HNF4A: variants seen among roughly 807,000 people sequenced by gnomAD.
HNF4A encodes hepatocyte nuclear factor 4 alpha.
Under a neutral mutation model 52.4 loss-of-function variants are expected in HNF4A, and 15 were observed. That is an observed-to-expected ratio of 0.29 (90% CI 0.19 to 0.44). The LOEUF (loss-of-function observed/expected upper bound fraction) is 0.44. HNF4A is among the 20% of genes least tolerant of loss of function. HNF4A has a pLI of 1.00. For synonymous variants in HNF4A, 280 were observed against 264.4 expected, an observed-to-expected ratio of 1.06 and a Z score of -0.57; for missense variants, 479 against 647.2, an observed-to-expected ratio of 0.74 and a Z score of 2.82.
In HNF4A at chr20:44,413,820, A is replaced by C; in HGVS notation, c.492+20A>C. Reference sequence around the variant, plus strand: ...CGACAGGTACCGGGGTGATCCTGCCACCCACCCAGGGATCCCCCACACTAC... The same window carrying C: ...CGACAGGTACCGGGGTGATCCTGCCCCCCACCCAGGGATCCCCCACACTAC... On this transcript the variant is annotated intron_variant, in intron 4 of 9. Transcript: ENST00000316099. The C allele has an allele frequency of 6.5e-7, 1 of 1,528,946 alleles. No homozygotes were observed. Among genetic ancestry groups the C allele is most frequent in the Non-Finnish European group, 9.0e-7 (1 of 1,107,048 alleles). The allele number at this position is 1,528,946 out of a possible 1,614,324, so 94.7% of individuals were successfully genotyped here. A position where few individuals can be genotyped will look rare whatever the true frequency, so the allele number is the denominator to read the frequency against.
chr20:44,418,178 G>C (rs964609533), intron 5 of HNF4A, among the ~76,000 whole-genome samples: 1 of 152,098 alleles, frequency 6.6e-6, no homozygotes, highest in Admixed American at 6.5e-5. Flanking sequence ...GCACGAAGCA[G>C]TTTCTTGCCC....
chr20:44,399,738 A>C (rs1015890156), upstream of HNF4A, among the ~76,000 whole-genome samples: 2 of 151,868 alleles, frequency 1.3e-5, no homozygotes, highest in African/African-American at 4.8e-5. Context: ...TCATTCACTC[A>C]CTCATTCATG....
downstream of HNF4A, chr20:44,434,223 T>A (rs1157218456): frequency 6.6e-6 from 1 of 152,142 alleles, no homozygotes; most frequent in Non-Finnish European, 1.5e-5. Flanking sequence ...ATCTGTAAAG[T>A]GGGAATGATA....
At chr20:44,362,065 T>C (rs73109988) in intron 1 of HNF4A, among the ~76,000 whole-genome samples, 24,611 of 152,172 alleles carry the variant, frequency 0.16, 2,395 homozygotes, top group Middle Eastern at 0.26. Context: ...TTACTGAAAG[T>C]ATCTTGAGAC....
At chr20:44,387,110 C>G (rs2146280751) in intron 1 of HNF4A, among the ~76,000 whole-genome samples, 1 of 151,890 alleles carries the variant, frequency 6.6e-6, no homozygotes, top group Admixed American at 6.6e-5. Flanking sequence ...TGAGATCAGC[C>G]TGGCCAACAT....
chr20:44,364,819 A>G (rs1462746550), intron 1 of HNF4A, among the ~76,000 whole-genome samples: 1 of 152,124 alleles, frequency 6.6e-6, no homozygotes, highest in Non-Finnish European at 1.5e-5. Context: ...AGCTTATGTA[A>G]CAAGCAAATG....
chr20:44,434,474 T>G (rs1317792711), downstream of HNF4A: 5 of 140,240 alleles, frequency 3.6e-5, no homozygotes, highest in Non-Finnish European at 6.0e-5. Context: ...TCGATAACGT[T>G]GCAACGGAGG....
intron 1 of HNF4A, among the ~76,000 whole-genome samples, chr20:44,404,664 CATGTGTGGACTGTGTGT>C (rs1282204918): frequency 3.4e-5 from 5 of 145,252 alleles, no homozygotes; most frequent in African/African-American, 1.3e-4. Context: ...GGACTGTGTG[CATGTGTGGACTGTGTGT>C]ATGTGTGTGC....
Position 44,431,413 on chromosome 20 carries a change from C to A in HNF4A, c.*1748C>A. On this transcript the variant is annotated 3_prime_UTR_variant, in exon 10 of 10. Coordinates refer to ENST00000316099, the MANE Select transcript of HNF4A (RefSeq NM_000457.6). ...TCATGACTCTTGACAGCTTTTCTCT[C>A]TTCACTCCCCAAGTCAAGGGGAGGG... 1 of 152,446 alleles carries A rather than the reference C, an allele frequency of 6.6e-6. No individual in the cohort carries two copies. The allele number at this position is 152,446 out of a possible 1,614,324, so 9.4% of individuals were successfully genotyped here.
chr20:44,420,158 C>G (rs1388333914), intron 7 of HNF4A, among the ~76,000 whole-genome samples: 1 of 151,818 alleles, frequency 6.6e-6, no homozygotes, highest in Non-Finnish European at 1.5e-5. Context: ...ATGGAGAAAC[C>G]CCATCTCTAC....
intron 1 of HNF4A, among the ~76,000 whole-genome samples, chr20:44,361,351 A>G (rs1489989327): frequency 6.6e-6 from 1 of 152,222 alleles, no homozygotes; most frequent in Non-Finnish European, 1.5e-5. Context: ...TTTAGTAAAC[A>G]GAGGAACTAA....
At chr20:44,418,781 A>G (rs553575488) in intron 6 of HNF4A, among the ~76,000 whole-genome samples, 3 of 152,222 alleles carry the variant, frequency 2.0e-5, no homozygotes, top group African/African-American at 7.2e-5. Flanking sequence ...TTACCTGTGC[A>G]TCCTTTTTTC....
chr20:44,407,573 T>C lies in HNF4A; in HGVS notation c.385+98T>C, dbSNP rs1302778605. ...ACTGTAGCCACACTTTATGACTCAG[T>C]GGCAGGCCCCAGGGTGACTGGCTAA... On this transcript the variant is annotated intron_variant, in intron 3 of 9. Transcript: ENST00000316099. 4 of 858,096 alleles carry C rather than the reference T, an allele frequency of 4.7e-6. No individual in the cohort carries two copies. In the East Asian group the frequency reaches 1.1e-4, roughly 23 times the overall value. 53.2% of individuals were successfully genotyped at this position (858,096 alleles called of 1,614,324 possible).
In HNF4A at chr20:44,368,160, A is replaced by AT. The variant is rs1181828023; in HGVS notation, c.49+12331dup. Reference sequence around the variant, plus strand: ...TATATACATATATATATATATATATATTTTTTTTTTTTTTTTTTTTTTTTG... The same window carrying AT: ...TATATACATATATATATATATATATATTTTTTTTTTTTTTTTTTTTTTTTTG... On this transcript the variant is annotated intron_variant, in intron 1 of 9. Coordinates refer to the HNF4A transcript ENST00000316673. Among the ~76,000 whole-genome samples, 21 of 27,782 alleles carry AT rather than the reference A, an allele frequency of 7.6e-4. 1 individual carries two copies. Among genetic ancestry groups the AT allele is most frequent in the Admixed American group, 1.7e-3 (2 of 1,170 alleles). 18.2% of individuals were successfully genotyped at this position (27,782 alleles called of 152,430 possible). A position where few individuals can be genotyped will look rare whatever the true frequency, so the allele number is the denominator to read the frequency against.
intron 5 of HNF4A, 131 bp from the exon 6 acceptor site, chr20:44,418,294 T>C (rs1470110385): frequency 1.0e-5 from 8 of 782,344 alleles, no homozygotes; most frequent in African/African-American, 1.7e-5. Context: ...AGTTTTATGA[T>C]GCCCATTTCA....
rs78838882 is a variant in HNF4A, at chr20:44,416,663, C to T, written c.649-1762C>T. Among the ~76,000 whole-genome samples, 7 of 152,350 alleles carry T rather than the reference C, an allele frequency of 4.6e-5. No homozygotes were observed. In the East Asian group the frequency reaches 1.4e-3, roughly 29 times the overall value. The stretch of plus-strand genomic sequence containing the variant: ...GAAGGGGCAAGGACAAGTGGCTGCC[C>T]AGGAGCAGCTAGAGCTAGAGAGGAA... On this transcript the variant is annotated intron_variant, in intron 5 of 9. Transcript: ENST00000316099.
chr20:44,367,634 C>T (rs1369272094), intron 1 of HNF4A, among the ~76,000 whole-genome samples: 14 of 125,678 alleles, frequency 1.1e-4, no homozygotes, highest in African/African-American at 1.9e-4. Flanking sequence ...AGCAACACTC[C>T]GTCTCAAAAA....
intron 1 of HNF4A, among the ~76,000 whole-genome samples, chr20:44,357,913 C>G (rs999879653): frequency 2.0e-5 from 3 of 151,342 alleles, no homozygotes; most frequent in Non-Finnish European, 2.9e-5. Context: ...GTTGCTGGCC[C>G]TCTGCTCTAG....
At chr20:44,395,774 G>C (rs937110869) in intron 1 of HNF4A, 1 of 152,310 alleles carries the variant, frequency 6.6e-6, no homozygotes, top group African/African-American at 2.4e-5. Flanking sequence ...CCCCAGAGTA[G>C]AGATGGCTCT....
Sources: gnomAD v4.1 joint callset for allele counts (sites outside exome capture counted in the v4.1 genomes callset) on GRCh38, gnomAD v4.1.1 for gene constraint, MANE v1.5 for transcripts, NCBI Gene and HGNC (gene_info 2026-07-23, HGNC 2026-07-21) for gene names.